The following PDS5A variants were observed in gnomAD, a reference collection of about 807,000 sequenced individuals.
The protein encoded by PDS5A is sister chromatid cohesion protein PDS5 homolog A.
In PDS5A, 42 loss-of-function variants were observed where a neutral mutation model predicts 167.1. The ratio of observed to expected loss-of-function variants is 0.25; its 90% CI spans 0.20 to 0.33. The LOEUF (loss-of-function observed/expected upper bound fraction) is 0.33, where lower values mean the gene tolerates loss of function less well. PDS5A is among the 10% of genes least tolerant of loss of function. The probability of loss-of-function intolerance (pLI) is 1.00; values close to 1 mark genes in which losing one functional copy is unlikely to be tolerated. For synonymous variants in PDS5A, 553 were observed against 554.6 expected (o/e 1.00, Z 0.04); for missense variants, 1,033 against 1,605.9 (o/e 0.64, Z 6.10).
Position 39,908,468 on chromosome 4 carries a change from G to T in PDS5A, c.1160C>A (p.Ala387Asp). The change falls in exon 11 of 33, where the codon GCT becomes GAT. Residue 387 changes from alanine to aspartate, a missense_variant. Ala to Asp is a moderately radical substitution (Grantham distance 126). Around this residue, in one of 4 missense-constraint regions of PDS5A, gnomAD observed 388 missense variants for 615.1 expected, o/e 0.63. Transcript: ENST00000303538. ...RHDVIVTIIT[A>D]AKRDLALVND... is the part of the protein sequence containing the mutation. The stretch of plus-strand genomic sequence containing the variant: ...TACTAAGGCCAGGTCCCTCTTGGCA[G>T]CTGTTATTATAGTAACAATGACATC... 1 of 1,604,378 alleles carries T rather than the reference G, an allele frequency of 6.2e-7. No homozygotes were observed. Among genetic ancestry groups the T allele is most frequent in the Non-Finnish European group, 8.5e-7 (1 of 1,171,242 alleles).
intron 2 of PDS5A, among the ~76,000 whole-genome samples, chr4:39,942,688 T>C (rs1727340200): frequency 6.6e-6 from 1 of 152,116 alleles, no homozygotes; most frequent in African/African-American, 2.4e-5. Context: ...GGCCTCCCAA[T>C]GTGCTAGGAC....
At chr4:39,905,809 G>A (rs114466939) in intron 11 of PDS5A, among the ~76,000 whole-genome samples, 357 of 151,796 alleles carry the variant, frequency 2.4e-3, no homozygotes, top group African/African-American at 8.4e-3. Context: ...AGAGAGGCAG[G>A]GAGAAAAGGA....
chr4:39,851,577 C>G (rs1718128216), intron 26 of PDS5A, among the ~76,000 whole-genome samples: 1 of 152,198 alleles, frequency 6.6e-6, no homozygotes. Flanking sequence ...CGTAAGCTAC[C>G]ACTCCTGGCT....
At chr4:39,883,011 C>CA (rs1553895409) in intron 17 of PDS5A, among the ~76,000 whole-genome samples, 14 of 152,116 alleles carry the variant, frequency 9.2e-5, no homozygotes, top group South Asian at 4.1e-4. Flanking sequence ...GAAAACTCTT[C>CA]TAATTTTCCA....
In PDS5A at chr4:39,838,214, A is replaced by G; in HGVS notation, c.3658-6T>C. 1 of 1,519,964 alleles carries G rather than the reference A, an allele frequency of 6.6e-7. No individual in the cohort carries two copies. The highest frequency in any genetic ancestry group is 8.8e-7 in the Non-Finnish European group (1 of 1,133,514). The allele number at this position is 1,519,964 out of a possible 1,614,324, so 94.2% of individuals were successfully genotyped here. A position where few individuals can be genotyped will look rare whatever the true frequency, so the allele number is the denominator to read the frequency against. ...GCCTGATCAGAATTAATTTCCTAAA[A>G]AAGCACAAAACAATTCTATAAACAC... On this transcript the variant is annotated splice_polypyrimidine_tract_variant and splice_region_variant and intron_variant, in intron 31 of 32. Transcript: ENST00000303538.
intron 9 of PDS5A, among the ~76,000 whole-genome samples, chr4:39,911,089 G>A (rs987477967): frequency 5.3e-5 from 8 of 152,136 alleles, no homozygotes; most frequent in African/African-American, 1.9e-4. Context: ...AGCCATAATT[G>A]TGCCACTGCA....
At chr4:39,923,778 CATT>C (rs1181980037) in intron 5 of PDS5A, among the ~76,000 whole-genome samples, 1 of 152,056 alleles carries the variant, frequency 6.6e-6, no homozygotes, top group Non-Finnish European at 1.5e-5. Context: ...TAAAGGCAGA[CATT>C]TTTTTCAACT....
intron 22 of PDS5A, among the ~76,000 whole-genome samples, chr4:39,867,846 C>T (rs541824875): frequency 6.6e-5 from 10 of 151,708 alleles, no homozygotes; most frequent in Non-Finnish European, 2.9e-5. Context: ...TGAAAAACTA[C>T]TTTGAAGAAA....
chr4:39,960,961 T>C (rs998197401), intron 2 of PDS5A, among the ~76,000 whole-genome samples: 1 of 152,138 alleles, frequency 6.6e-6, no homozygotes, highest in Non-Finnish European at 1.5e-5. Flanking sequence ...GTGCTGGCAG[T>C]ACAGGCGTGA....
chr4:39,867,248 T>C (rs1719540541), intron 22 of PDS5A, among the ~76,000 whole-genome samples: 1 of 152,128 alleles, frequency 6.6e-6, no homozygotes, highest in Non-Finnish European at 1.5e-5. Flanking sequence ...GAGGAAGATT[T>C]TTTTTTTTCC....
At chr4:39,865,948 G>A (rs1472901459) in intron 23 of PDS5A, among the ~76,000 whole-genome samples, 15 of 152,184 alleles carry the variant, frequency 9.9e-5, no homozygotes, top group Admixed American at 9.8e-4. Context: ...GAAAAACTGA[G>A]CTTCTATTTT....
At chr4:39,948,989 A>G (rs1728061690) in intron 2 of PDS5A, among the ~76,000 whole-genome samples, 2 of 152,002 alleles carry the variant, frequency 1.3e-5, no homozygotes, top group Admixed American at 6.6e-5. Flanking sequence ...ACACTACAGT[A>G]TTATCTGGCC....
chr4:39,877,244 A>G (rs1720537662), intron 18 of PDS5A, 91 bp from the exon 19 acceptor site: 1 of 772,640 alleles, frequency 1.3e-6, no homozygotes, highest in Admixed American at 2.8e-5. Context: ...AAAAAATTAA[A>G]TTCTGGGGTA....
At chr4:39,942,603 C>T (rs1727328872) in intron 2 of PDS5A, among the ~76,000 whole-genome samples, 1 of 152,028 alleles carries the variant, frequency 6.6e-6, no homozygotes. Flanking sequence ...ATTTTCGTAT[C>T]TTTTGTAAAG....
chr4:39,919,134 C>G (rs901619085), intron 7 of PDS5A, among the ~76,000 whole-genome samples: 6 of 151,958 alleles, frequency 3.9e-5, no homozygotes, highest in African/African-American at 7.3e-5. Context: ...AATAGGATAA[C>G]ATTTAAATTA....
At chr4:39,940,797 C>T (rs1727152643) in intron 2 of PDS5A, among the ~76,000 whole-genome samples, 4 of 152,232 alleles carry the variant, frequency 2.6e-5, no homozygotes, top group Admixed American at 2.0e-4. Flanking sequence ...AGTCTACAGG[C>T]ATGTGCCACT....
intron 32 of PDS5A, among the ~76,000 whole-genome samples, chr4:39,830,810 T>C (rs983767497): frequency 6.6e-5 from 10 of 152,128 alleles, no homozygotes; most frequent in African/African-American, 2.4e-4. Context: ...AAACATCTGA[T>C]CTATCTCTCG....
chr4:39,935,774 G>A (rs1298745088), intron 2 of PDS5A, among the ~76,000 whole-genome samples: 1 of 152,178 alleles, frequency 6.6e-6, no homozygotes, highest in African/African-American at 2.4e-5. Flanking sequence ...ACATACACTG[G>A]AGGTAGATAT....
intron 30 of PDS5A, among the ~76,000 whole-genome samples, chr4:39,842,756 T>C (rs1717141095): frequency 6.6e-6 from 1 of 151,488 alleles, no homozygotes; most frequent in Non-Finnish European, 1.5e-5. Flanking sequence ...ATATGTACAA[T>C]TATTATATAT....
Sources: gnomAD v4.1 joint callset for allele counts (sites outside exome capture counted in the v4.1 genomes callset) on GRCh38, gnomAD v4.1.1 for gene constraint, gnomAD v4.1.1 regional missense constraint, MANE v1.5 for transcripts, NCBI Gene and HGNC (gene_info 2026-07-23, HGNC 2026-07-21) for gene names.